THSD7B: variants seen among roughly 807,000 people sequenced by gnomAD.
THSD7B encodes the protein thrombospondin type-1 domain-containing protein 7B.
THSD7B carries 138 observed loss-of-function variants against 213.6 expected under a neutral mutation model. The observed-to-expected ratio is 0.65, with a 90% CI of 0.56 to 0.74. The LOEUF (loss-of-function observed/expected upper bound fraction) is 0.74. THSD7B is among the 30% of genes least tolerant of loss of function. The pLI, the probability that THSD7B is intolerant of heterozygous loss-of-function variation, is 0.00. For missense variants in THSD7B, 1,931 were observed against 1,991.5 expected (o/e 0.97, Z 0.58); for synonymous variants, 742 against 687.0 (o/e 1.08, Z -1.25).
At chr2:137,063,170 G>T (rs1368022973) in intron 3 of THSD7B, among the ~76,000 whole-genome samples, 5 of 149,498 alleles carry the variant, frequency 3.3e-5, no homozygotes, top group African/African-American at 1.2e-4. Context: ...TATGCTTACT[G>T]ACAAAAAGTG....
intron 10 of THSD7B, among the ~76,000 whole-genome samples, chr2:137,256,506 TTGTAAC>T (rs1458134136): frequency 5.3e-5 from 8 of 152,290 alleles, no homozygotes; most frequent in African/African-American, 1.9e-4. Context: ...TGAAAGTACT[TTGTAAC>T]TGAATGAATT....
chr2:137,054,692 C>T (rs1342228850), intron 2 of THSD7B, among the ~76,000 whole-genome samples: 4 of 151,876 alleles, frequency 2.6e-5, no homozygotes, highest in Non-Finnish European at 4.4e-5. Context: ...TCATATGCCT[C>T]TTAGGGTCTG....
chr2:137,567,966 G>A (rs1681273427), intron 16 of THSD7B, among the ~76,000 whole-genome samples: 1 of 152,062 alleles, frequency 6.6e-6, no homozygotes, highest in Admixed American at 6.6e-5. Context: ...GAAGATTCTA[G>A]AAGTGAGACT....
At chr2:136,912,687 T>C (rs1472576322) in intron 2 of THSD7B, among the ~76,000 whole-genome samples, 2 of 152,144 alleles carry the variant, frequency 1.3e-5, no homozygotes, top group Non-Finnish European at 1.5e-5. Flanking sequence ...AATGAATAAG[T>C]CTCACAAGAT....
At chr2:137,314,179 C>T (rs1393306515) in intron 12 of THSD7B, among the ~76,000 whole-genome samples, 2 of 152,142 alleles carry the variant, frequency 1.3e-5, no homozygotes, top group African/African-American at 4.8e-5. Context: ...CATATAGTCC[C>T]ATATTTCTTG....
chr2:137,307,160 G>A (rs900301688), intron 12 of THSD7B, among the ~76,000 whole-genome samples: 1 of 152,008 alleles, frequency 6.6e-6, no homozygotes, highest in African/African-American at 2.4e-5. Flanking sequence ...ATTATTTTGG[G>A]GTCAGCAGCT....
intron 12 of THSD7B, among the ~76,000 whole-genome samples, chr2:137,372,754 A>T (rs1032178359): frequency 2.6e-5 from 4 of 151,820 alleles, no homozygotes; most frequent in African/African-American, 7.3e-5. Context: ...TGTGCAGGTT[A>T]GTTACATATG....
chr2:137,620,993 C>T (rs537371352), intron 20 of THSD7B, among the ~76,000 whole-genome samples: 1 of 152,102 alleles, frequency 6.6e-6, no homozygotes, highest in South Asian at 2.1e-4. Flanking sequence ...ATAAGCTCAA[C>T]AAATTGAAAA....
At chr2:137,655,474 T>C in intron 21 of THSD7B, 27 bp from the exon 22 acceptor site, 5 of 1,592,332 alleles carry the variant, frequency 3.1e-6, no homozygotes, top group Non-Finnish European at 4.3e-6. Flanking sequence ...ATTTGGGTAA[T>C]TGTGAAAGTA....
chr2:137,560,026 A>G (rs1388295329), intron 15 of THSD7B, among the ~76,000 whole-genome samples: 1 of 152,222 alleles, frequency 6.6e-6, no homozygotes, highest in Non-Finnish European at 1.5e-5. Flanking sequence ...ATCTCACACC[A>G]TTTAGAATGG....
chr2:137,376,729 G>A (rs926048576), intron 12 of THSD7B, among the ~76,000 whole-genome samples: 3 of 152,182 alleles, frequency 2.0e-5, no homozygotes, highest in Non-Finnish European at 4.4e-5. Flanking sequence ...AATGAAGTAT[G>A]TCTAAATTTT....
chr2:137,584,107 A>G (rs1016385155), intron 17 of THSD7B, among the ~76,000 whole-genome samples: 1 of 152,156 alleles, frequency 6.6e-6, no homozygotes, highest in African/African-American at 2.4e-5. Flanking sequence ...GCAACTGGGA[A>G]TGGGAATTCA....
chr2:137,241,713 T>C (rs918356138), intron 9 of THSD7B, among the ~76,000 whole-genome samples: 5 of 151,960 alleles, frequency 3.3e-5, no homozygotes, highest in Non-Finnish European at 4.4e-5. Context: ...GAGATCGAGA[T>C]CATCCTGGTT....
intron 2 of THSD7B, among the ~76,000 whole-genome samples, chr2:137,007,459 C>G (rs925522489): frequency 1.2e-4 from 18 of 152,078 alleles, no homozygotes; most frequent in African/African-American, 3.9e-4. Flanking sequence ...AAGGCAGAAG[C>G]TGTATGGAAA....
intron 2 of THSD7B, among the ~76,000 whole-genome samples, chr2:136,978,697 T>C (rs1685526959): frequency 6.6e-6 from 1 of 152,174 alleles, no homozygotes; most frequent in Admixed American, 6.5e-5. Context: ...GTGAGGTGGG[T>C]CTCTTGAATA....
intron 2 of THSD7B, among the ~76,000 whole-genome samples, chr2:137,052,773 A>G (rs1053585948): frequency 1.3e-5 from 2 of 152,184 alleles, no homozygotes; most frequent in African/African-American, 2.4e-5. Context: ...TCATGTATGT[A>G]TTGAAAGTTC....
chr2:137,587,358 G>T lies in THSD7B; in HGVS notation c.3423+14802G>T, dbSNP rs545545625. On this transcript the variant is annotated intron_variant, in intron 17 of 27. Transcript: ENST00000409968. ...ACTCGTCAAAGTTATTATCCATCTA[G>T]CTTTGTTCCGTTGCTGGCGAGGGCC... 3.9e-5 allele frequency among the ~76,000 whole-genome samples: 6 copies of T among 152,330 alleles called. No homozygotes were observed. In the East Asian group the frequency reaches 1.2e-3, roughly 29 times the overall value.
At chr2:136,948,497 C>A (rs901496154) in intron 2 of THSD7B, among the ~76,000 whole-genome samples, 4 of 151,960 alleles carry the variant, frequency 2.6e-5, no homozygotes, top group Admixed American at 1.3e-4. Context: ...TACACACACC[C>A]CTCTTTAAAA....
chr2:137,356,279 A>T (rs948514637), intron 12 of THSD7B, among the ~76,000 whole-genome samples: 1 of 151,870 alleles, frequency 6.6e-6, no homozygotes, highest in African/African-American at 2.4e-5. Context: ...TGATCCACCA[A>T]CTCACGGGCT....
Sources: gnomAD v4.1 joint callset for allele counts (sites outside exome capture counted in the v4.1 genomes callset) on GRCh38, gnomAD v4.1.1 for gene constraint, MANE v1.5 for transcripts, NCBI Gene and HGNC (gene_info 2026-07-23, HGNC 2026-07-21) for gene names.